The following SPTB variants were observed in gnomAD, a reference collection of about 807,000 sequenced individuals.
The protein encoded by SPTB is spectrin beta, erythrocytic.
A neutral mutation model predicts 256.2 loss-of-function variants in SPTB; 45 were observed. The ratio of observed to expected loss-of-function variants is 0.18; its 90% CI spans 0.14 to 0.23. The LOEUF (loss-of-function observed/expected upper bound fraction) is 0.23. Ranked by LOEUF, SPTB falls within the 10% of genes least tolerant of loss-of-function variation. SPTB has a pLI of 1.00. For synonymous variants in SPTB, 1,231 were observed against 1,243.1 expected (o/e 0.99, Z 0.21); for missense variants, 2,715 against 3,040.4 (o/e 0.89, Z 2.52).
chr14:64,805,947 A>T (rs1225315038), intron 2 of SPTB, among the ~76,000 whole-genome samples: 1 of 151,970 alleles, frequency 6.6e-6, no homozygotes, highest in Non-Finnish European at 1.5e-5. Context: ...GTGACATGAC[A>T]CCCCTATCCT....
chr14:64,766,465 A>G (rs1266091941), intron 32 of SPTB: 3 of 1,426,418 alleles, frequency 2.1e-6, no homozygotes, highest in South Asian at 1.5e-5. Context: ...AGGTAAAACA[A>G]AACTAATAAC....
rs1041960531 is a variant in SPTB at position 64,869,369 on chromosome 14, T to C, written c.-52+10423A>G. Among the ~76,000 whole-genome samples the C allele has an allele frequency of 5.3e-5, 8 of 152,228 alleles. No individual in the cohort carries two copies. In the East Asian group the frequency reaches 1.3e-3, roughly 26 times the overall value. On this transcript the variant is annotated intron_variant, in intron 1 of 35. Transcript: ENST00000644917. ...CGTGTAATTTCAAACATTCATTCTTTAATTTTTTATGAGCTCCACACTCTA... is the reference window on the plus strand; with the variant it reads ...CGTGTAATTTCAAACATTCATTCTTCAATTTTTTATGAGCTCCACACTCTA...
At chr14:64,846,349 G>C (rs985957104) in intron 1 of SPTB, among the ~76,000 whole-genome samples, 1 of 152,360 alleles carries the variant, frequency 6.6e-6, no homozygotes, top group South Asian at 2.1e-4. Flanking sequence ...TATTATATAG[G>C]CTGCATATAC....
chr14:64,874,248 T>C (rs1374427091), intron 1 of SPTB, among the ~76,000 whole-genome samples: 2 of 152,214 alleles, frequency 1.3e-5, no homozygotes, highest in African/African-American at 2.4e-5. Context: ...ATAGAAATCC[T>C]AGGCACTTTC....
intron 32 of SPTB, 29 bp from the exon 33 acceptor site, chr14:64,753,822 T>G (rs1227617938): frequency 1.2e-6 from 2 of 1,609,714 alleles, no homozygotes; most frequent in South Asian, 1.1e-5. Flanking sequence ...GGAGCACACC[T>G]TTCTGGGTAC....
At chr14:64,870,132 C>A (rs952505232) in intron 1 of SPTB, among the ~76,000 whole-genome samples, 2 of 152,010 alleles carry the variant, frequency 1.3e-5, no homozygotes, top group African/African-American at 4.8e-5. Context: ...GAAAAGGGTA[C>A]TGTAAAAATA....
At position 64,775,799 on chromosome 14, in the gene SPTB, C is replaced by A. The variant is rs1242340818; in HGVS notation, c.4564-396G>T. Among the ~76,000 whole-genome samples, 1 of 152,182 alleles carries A rather than the reference C, an allele frequency of 6.6e-6. No individual in the cohort carries two copies. ...AAAAGAAAAATGGCCTTTTTGATAC[C>A]TTATTCTAACAGCTTTTGCAGGATT... is the stretch of plus-strand genomic sequence containing the variant. On this transcript the variant is annotated intron_variant, in intron 22 of 35. Coordinates refer to ENST00000644917, the MANE Select transcript of SPTB (RefSeq NM_001355436.2). This position sits in a 1 kb window ranked among gnomAD's most constrained non-coding sequence, Gnocchi z 5.0.
rs2081862228 is a variant in SPTB at position 64,747,325 on chromosome 14, G to C, written c.*1981C>G. 6.6e-6 allele frequency: 1 copy of C among 152,656 alleles called. No individual in the cohort carries two copies. The highest frequency in any genetic ancestry group is 2.4e-5 in the African/African-American group (1 of 41,466). 9.5% of individuals were successfully genotyped at this position (152,656 alleles called of 1,614,324 possible). ...TGCTCTCTGCCCCAGAGGAGGACATGCCTGCAAGTGCACCAAAGGCCTACT... is the reference window on the plus strand; with the variant it reads ...TGCTCTCTGCCCCAGAGGAGGACATCCCTGCAAGTGCACCAAAGGCCTACT... On this transcript the variant is annotated 3_prime_UTR_variant, in exon 36 of 36. Transcript: ENST00000644917.
At chr14:64,862,227 C>T (rs1881887697) in intron 1 of SPTB, among the ~76,000 whole-genome samples, 2 of 152,110 alleles carry the variant, frequency 1.3e-5, no homozygotes, top group South Asian at 4.1e-4. Flanking sequence ...AGTAAATTAG[C>T]AACAGCAACC....
chr14:64,774,551 G>C, intron 23 of SPTB, 24 bp from the exon 24 acceptor site: 1 of 1,551,914 alleles, frequency 6.4e-7, no homozygotes, highest in South Asian at 1.2e-5. Flanking sequence ...GACGGTCAGC[G>C]CCAGAGCTCA....
At position 64,844,172 on chromosome 14, in the gene SPTB, G is replaced by C. The variant is rs1262624135; in HGVS notation, c.-51-21027C>G. Reference sequence around the variant, plus strand: ...AATGTGATGGCCATGATCTCCAAGAGTGCTTAGCAGGAGTCATGGAGAAAA... The same window carrying C: ...AATGTGATGGCCATGATCTCCAAGACTGCTTAGCAGGAGTCATGGAGAAAA... On this transcript the variant is annotated intron_variant, in intron 1 of 35. Transcript: ENST00000644917. The surrounding 1 kb of genome is among the most constrained non-coding windows in gnomAD (Gnocchi z 4.1). 1.3e-5 allele frequency among the ~76,000 whole-genome samples: 2 copies of C among 151,982 alleles called. No homozygotes were observed. The highest frequency in any genetic ancestry group is 4.8e-5 in the African/African-American group (2 of 41,382).
rs192640690 is a variant in SPTB, at chr14:64,841,348, G to T, written c.-51-18203C>A. Among the ~76,000 whole-genome samples the T allele has an allele frequency of 6.6e-6, 1 of 152,296 alleles. No individual in the cohort carries two copies. The highest frequency in any genetic ancestry group is 6.5e-5 in the Admixed American group (1 of 15,300). On this transcript the variant is annotated intron_variant, in intron 1 of 35. Coordinates refer to ENST00000644917, the MANE Select transcript of SPTB (RefSeq NM_001355436.2). The surrounding 1 kb of genome is among the most constrained non-coding windows in gnomAD (Gnocchi z 4.6). Reference sequence around the variant, plus strand: ...CAACCCAGCCAGACCCAAGCCCTCTGCAGGAAGGAATGTGGAGATCAAAGG... The same window carrying T: ...CAACCCAGCCAGACCCAAGCCCTCTTCAGGAAGGAATGTGGAGATCAAAGG...
intron 10 of SPTB, among the ~76,000 whole-genome samples, 162 bp downstream of exon 10, chr14:64,797,567 C>A (rs2082799697): frequency 6.7e-6 from 1 of 149,866 alleles, no homozygotes; most frequent in African/African-American, 2.5e-5. Context: ...AGAGTCTGAC[C>A]CCTCAGAACC....
chr14:64,751,927 C>CAAAAAA lies in SPTB; in HGVS notation c.6602+1604_6602+1609dup, dbSNP rs374561563. On this transcript the variant is annotated intron_variant, in intron 33 of 35. Coordinates refer to ENST00000644917, the MANE Select transcript of SPTB (RefSeq NM_001355436.2). ...TGAAACCCCATTTCTACTAAAAATG[C>CAAAAAA]AAAAAAAAAAAAAAAAATTAGCCAG... 5.7e-3 allele frequency among the ~76,000 whole-genome samples: 407 copies of CAAAAAA among 71,918 alleles called. 15 individuals carry two copies. Among genetic ancestry groups the CAAAAAA allele is most frequent in the African/African-American group, 0.022 (380 of 17,484 alleles). 47.2% of individuals were successfully genotyped at this position (71,918 alleles called of 152,430 possible).
rs142991364 is a variant in SPTB, at chr14:64,780,135, C to A, written c.4267-204G>T. On this transcript the variant is annotated intron_variant, in intron 20 of 35. Coordinates refer to ENST00000644917, the MANE Select transcript of SPTB (RefSeq NM_001355436.2). ...TCATGCATCATTTTGGGTCTCTGTC[C>A]TACCCACTGCAAAAGGGGTTGGAGA... Among the ~76,000 whole-genome samples, 26 of 152,242 alleles carry A rather than the reference C, an allele frequency of 1.7e-4. No individual in the cohort carries two copies. The East Asian group carries it at 4.4e-3, about 26-fold the overall frequency.
chr14:64,783,036 T>C (rs1173653056), intron 19 of SPTB, among the ~76,000 whole-genome samples: 1 of 152,036 alleles, frequency 6.6e-6, no homozygotes, highest in Non-Finnish European at 1.5e-5. Flanking sequence ...CCAGGTACAG[T>C]CAGTGCAGAA....
intron 18 of SPTB, 72 bp from the exon 19 acceptor site, chr14:64,784,465 C>A: frequency 6.3e-7 from 1 of 1,582,162 alleles, no homozygotes; most frequent in Non-Finnish European, 8.6e-7. Context: ...GCTGCCCATC[C>A]CTGGCTGCAG....
At position 64,772,565 on chromosome 14, in the gene SPTB, G is replaced by A. The variant is rs765066900; in HGVS notation, c.5553+15C>T. The A allele has an allele frequency of 2.5e-6, 4 of 1,601,228 alleles. No individual in the cohort carries two copies. Among genetic ancestry groups the A allele is most frequent in the Non-Finnish European group, 2.5e-6 (3 of 1,179,778 alleles). On this transcript the variant is annotated intron_variant, in intron 26 of 35. Coordinates refer to ENST00000644917, the MANE Select transcript of SPTB (RefSeq NM_001355436.2). The surrounding 1 kb of genome is among the most constrained non-coding windows in gnomAD (Gnocchi z 5.4). ...GGAAATTGGTAGCAGGTGGGCGGCA[G>A]GGGGCTGAAGGTACCTGGACACCCA... is the stretch of plus-strand genomic sequence containing the variant.
In SPTB at chr14:64,805,018, C is replaced by A; in HGVS notation, c.221G>T (p.Arg74Leu). The change falls in exon 3 of 36, where the codon CGC (arginine) becomes CTC (leucine). Residue 74 changes from arginine to leucine, a missense_variant. Physicochemically the swap from Arg to Leu is moderately radical, Grantham distance 102. Around this residue, in one of 4 missense-constraint regions of SPTB, gnomAD observed 416 missense variants for 571.1 expected, o/e 0.73. Transcript: ENST00000644917. ...VNSHLARVSCRITDLYKDLRD... is the reference protein window; with the variant it reads ...VNSHLARVSCLITDLYKDLRD... ...CAGGTCCTTGTAGAGATCGGTGATG[C>A]GGCAGGACACTCGAGCCAGGTGCGA... The A allele has an allele frequency of 1.2e-6, 2 of 1,613,868 alleles. No individual in the cohort carries two copies. The highest frequency in any genetic ancestry group is 1.7e-6 in the Non-Finnish European group (2 of 1,179,948).
Sources: allele counts gnomAD v4.1 joint callset (sites outside exome capture counted in the v4.1 genomes callset), GRCh38; gene constraint gnomAD v4.1.1; regional missense constraint gnomAD v4.1.1; non-coding constraint Gnocchi (gnomAD v3.1); transcripts MANE v1.5; gene names NCBI Gene and HGNC (gene_info 2026-07-23, HGNC 2026-07-21).